Variants in ZBTB8A observed in about 807,000 individuals in gnomAD.
ZBTB8A encodes zinc finger and BTB domain-containing protein 8A.
Under a neutral mutation model 37.8 loss-of-function variants are expected in ZBTB8A, and 19 were observed. That is an observed-to-expected ratio of 0.50 (90% CI 0.35 to 0.74). The LOEUF is 0.74. ZBTB8A is among the 30% of genes least tolerant of loss of function. ZBTB8A has a pLI of 0.01. For synonymous variants in ZBTB8A, 181 were observed against 185.2 expected (o/e 0.98, Z 0.19); for missense variants, 394 against 537.8 (o/e 0.73, Z 2.65).
intron 2 of ZBTB8A, among the ~76,000 whole-genome samples, chr1:32,592,016 T>C (rs1644494124): frequency 1.3e-5 from 2 of 152,194 alleles, no homozygotes; most frequent in South Asian, 4.1e-4. Context: ...CTAATTTTTG[T>C]ATTTTTAGTA....
intron 1 of ZBTB8A, among the ~76,000 whole-genome samples, chr1:32,541,454 T>C (rs906143077): frequency 6.6e-6 from 1 of 152,226 alleles, no homozygotes; most frequent in African/African-American, 2.4e-5. Flanking sequence ...TTTACCCAAA[T>C]GCCATCTTCT....
chr1:32,567,815 A>AC (rs1311048165), intron 2 of ZBTB8A, among the ~76,000 whole-genome samples: 266 of 25,488 alleles, frequency 0.01, 41 homozygotes, highest in African/African-American at 0.05. Context: ...AAAAAAAAAA[A>AC]AAAAAAAACA....
At chr1:32,571,579 TA>T (rs1644322753) in intron 2 of ZBTB8A, among the ~76,000 whole-genome samples, 1 of 152,004 alleles carries the variant, frequency 6.6e-6, no homozygotes, top group Non-Finnish European at 1.5e-5. Context: ...TTTACAAATA[TA>T]ATTTTTTTTT....
chr1:32,600,443 G>A lies in ZBTB8A; in HGVS notation c.*24G>A, dbSNP rs755630083. 1.2e-5 allele frequency: 18 copies of A among 1,547,918 alleles called. No homozygotes were observed. The Middle Eastern group carries it at 5.1e-4, about 44-fold the overall frequency. On this transcript the variant is annotated 3_prime_UTR_variant, in exon 5 of 5. Transcript: ENST00000373510. ...AGCTGTAATGTGAACCAACAGAGCTGGCATGTCTGCAATTTACATTGACTT... is the reference window on the plus strand; with the variant it reads ...AGCTGTAATGTGAACCAACAGAGCTAGCATGTCTGCAATTTACATTGACTT...
rs1334670733 is a variant in ZBTB8A at position 32,584,740 on chromosome 1, A to G, written c.-1-8191A>G. ...TCACTTTGTTGCCTAGGCTGGTCTC[A>G]AACTCCTGGGCTCAAGTGATCCTCC... On this transcript the variant is annotated intron_variant, in intron 2 of 4. Transcript: ENST00000373510. Among the ~76,000 whole-genome samples the G allele has an allele frequency of 2.0e-5, 3 of 151,586 alleles. 1 individual carries two copies. Among genetic ancestry groups the G allele is most frequent in the African/African-American group, 7.3e-5 (3 of 41,224 alleles).
intron 1 of ZBTB8A, among the ~76,000 whole-genome samples, chr1:32,541,427 T>A (rs1048874558): frequency 7.2e-5 from 11 of 152,200 alleles, no homozygotes; most frequent in Admixed American, 4.6e-4. Context: ...CACATGACTC[T>A]CTTACTTCCT....
rs1644576782 is a variant in ZBTB8A, at chr1:32,601,606, T to C, written c.*1187T>C. 2.5e-6 allele frequency: 1 copy of C among 398,490 alleles called. No homozygotes were observed. Among genetic ancestry groups the C allele is most frequent in the Admixed American group, 4.4e-5 (1 of 22,708 alleles). 24.7% of individuals were successfully genotyped at this position (398,490 alleles called of 1,614,324 possible). A position where few individuals can be genotyped will look rare whatever the true frequency, so the allele number is the denominator to read the frequency against. On this transcript the variant is annotated 3_prime_UTR_variant, in exon 5 of 5. Coordinates refer to ENST00000373510, the MANE Select transcript of ZBTB8A (RefSeq NM_001040441.3). The stretch of plus-strand genomic sequence containing the variant: ...AGTGAGGTGGATACTATCTCCGATT[T>C]ACAAATGAGGAAATTAAGGTCAGAA...
At chr1:32,565,850 C>G (rs1165709241) in intron 2 of ZBTB8A, among the ~76,000 whole-genome samples, 1 of 151,966 alleles carries the variant, frequency 6.6e-6, no homozygotes, top group Non-Finnish European at 1.5e-5. Context: ...AGACTCATAC[C>G]TTTTGGAGCT....
intron 4 of ZBTB8A, among the ~76,000 whole-genome samples, chr1:32,598,256 G>A (rs1161588221): frequency 5.7e-5 from 5 of 87,058 alleles, no homozygotes; most frequent in African/African-American, 2.3e-4. Flanking sequence ...TTTTTGAGAT[G>A]AAGTCTCACT....
At chr1:32,598,161 G>T (rs1414275410) in intron 4 of ZBTB8A, among the ~76,000 whole-genome samples, 1 of 149,032 alleles carries the variant, frequency 6.7e-6, no homozygotes, top group African/African-American at 2.5e-5. Flanking sequence ...GATAATAACT[G>T]TACTAGTGGT....
intron 1 of ZBTB8A, among the ~76,000 whole-genome samples, chr1:32,552,637 G>C (rs1417914936): frequency 6.6e-6 from 1 of 152,020 alleles, no homozygotes; most frequent in Non-Finnish European, 1.5e-5. Flanking sequence ...TTTCACTCCA[G>C]CCTGGGCGAC....
intron 2 of ZBTB8A, among the ~76,000 whole-genome samples, chr1:32,561,844 A>G (rs1482273963): frequency 6.6e-6 from 1 of 152,166 alleles, no homozygotes; most frequent in Non-Finnish European, 1.5e-5. Context: ...TACCAGGTTT[A>G]AGACTTCAGC....
chr1:32,550,151 A>C (rs1250184825), intron 1 of ZBTB8A, among the ~76,000 whole-genome samples: 1 of 151,812 alleles, frequency 6.6e-6, no homozygotes, highest in Non-Finnish European at 1.5e-5. Context: ...TGAGCCCAGG[A>C]GTTCAAGACC....
At chr1:32,570,922 C>A (rs1644318120) in intron 2 of ZBTB8A, among the ~76,000 whole-genome samples, 2 of 151,516 alleles carry the variant, frequency 1.3e-5, no homozygotes, top group South Asian at 4.2e-4. Flanking sequence ...GTCACCCAGG[C>A]TGGAGTGCAA....
chr1:32,583,079 AT>A (rs930522608), intron 2 of ZBTB8A, among the ~76,000 whole-genome samples: 51 of 152,122 alleles, frequency 3.4e-4, no homozygotes, highest in African/African-American at 8.2e-4. Context: ...AAGTTAATGT[AT>A]TTTTTAAATA....
intron 3 of ZBTB8A, among the ~76,000 whole-genome samples, chr1:32,594,213 A>G (rs1644512178): frequency 6.6e-6 from 1 of 151,866 alleles, no homozygotes; most frequent in Non-Finnish European, 1.5e-5. Context: ...AAAAAAGAAG[A>G]AATTCATTTC....
chr1:32,599,150 G>A (rs1339446182), intron 4 of ZBTB8A, among the ~76,000 whole-genome samples: 1 of 151,586 alleles, frequency 6.6e-6, no homozygotes, highest in African/African-American at 2.4e-5. Flanking sequence ...TCTTTCTCTA[G>A]TAAAATAACA....
intron 2 of ZBTB8A, among the ~76,000 whole-genome samples, chr1:32,559,270 C>A (rs1234746847): frequency 1.3e-5 from 2 of 152,038 alleles, no homozygotes; most frequent in African/African-American, 4.8e-5. Flanking sequence ...CGCCACCACA[C>A]CTGGCTAATT....
chr1:32,573,301 C>G (rs1402890038), intron 2 of ZBTB8A, among the ~76,000 whole-genome samples: 2 of 150,736 alleles, frequency 1.3e-5, no homozygotes, highest in African/African-American at 4.9e-5. Flanking sequence ...GTCTCGAACT[C>G]CTGACCTCGT....
Sources: allele counts gnomAD v4.1 joint callset (sites outside exome capture counted in the v4.1 genomes callset), GRCh38; gene constraint gnomAD v4.1.1; transcripts MANE v1.5; gene names NCBI Gene and HGNC (gene_info 2026-07-23, HGNC 2026-07-21).